METTL15: variants seen among roughly 807,000 people sequenced by gnomAD.
METTL15 encodes the protein 12S rRNA N(4)-cytidine methyltransferase METTL15.
A neutral mutation model predicts 38.3 loss-of-function variants in METTL15; 34 were observed. That is an observed-to-expected ratio of 0.89 (90% CI 0.68 to 1.18). The LOEUF (loss-of-function observed/expected upper bound fraction) is 1.18. METTL15 is among the 50% of genes most tolerant of loss of function. METTL15 has a pLI of 0.00. For missense variants in METTL15, 438 were observed against 498.4 expected (o/e 0.88, Z 1.15); for synonymous variants, 162 against 170.9 (o/e 0.95, Z 0.41).
At chr11:28,309,651 A>G (rs548429070) in intron 6 of METTL15, among the ~76,000 whole-genome samples, 3 of 152,142 alleles carry the variant, frequency 2.0e-5, no homozygotes, top group Non-Finnish European at 4.4e-5. Context: ...ACTCAAGACA[A>G]ATAACTTTTT....
intron 4 of METTL15, among the ~76,000 whole-genome samples, chr11:28,228,112 C>G (rs924052417): frequency 2.6e-5 from 4 of 151,878 alleles, no homozygotes; most frequent in African/African-American, 9.7e-5. Context: ...TTACCGTGTT[C>G]TCAAGTCCAG....
intron 4 of METTL15, among the ~76,000 whole-genome samples, chr11:28,219,206 G>T (rs1289906967): frequency 6.6e-6 from 1 of 152,012 alleles, no homozygotes; most frequent in African/African-American, 2.4e-5. Flanking sequence ...TTTTTGGTTG[G>T]TAAGCTATTA....
intron 6 of METTL15, among the ~76,000 whole-genome samples, chr11:28,451,482 G>C (rs552582372): frequency 3.2e-4 from 48 of 152,064 alleles, no homozygotes; most frequent in Admixed American, 3.1e-3. Flanking sequence ...CTACTCAGGA[G>C]GCTGAGGCAG....
At chr11:28,410,353 C>T (rs1850713937) in intron 5 of METTL15, among the ~76,000 whole-genome samples, 1 of 152,050 alleles carries the variant, frequency 6.6e-6, no homozygotes, top group Non-Finnish European at 1.5e-5. Flanking sequence ...TTCTAATGAA[C>T]ATTGATGCAA....
At chr11:28,279,730 C>T (rs1359971845) in intron 4 of METTL15, among the ~76,000 whole-genome samples, 1 of 152,060 alleles carries the variant, frequency 6.6e-6, no homozygotes, top group Non-Finnish European at 1.5e-5. Context: ...GAAACCCCGT[C>T]TCTACCAAAG....
chr11:28,373,209 A>G (rs1157388329), intron 5 of METTL15, among the ~76,000 whole-genome samples: 1 of 152,066 alleles, frequency 6.6e-6, no homozygotes, highest in Non-Finnish European at 1.5e-5. Flanking sequence ...GACTTCCAAA[A>G]TGGTTGAACT....
At chr11:28,218,778 A>G (rs1853033779) in intron 4 of METTL15, among the ~76,000 whole-genome samples, 1 of 152,104 alleles carries the variant, frequency 6.6e-6, no homozygotes, top group Non-Finnish European at 1.5e-5. Flanking sequence ...AGGGCTGTTG[A>G]ATTTTTTCAA....
intron 5 of METTL15, among the ~76,000 whole-genome samples, chr11:28,418,552 C>T (rs147401867): frequency 4.8e-4 from 73 of 152,278 alleles, no homozygotes; most frequent in African/African-American, 1.8e-3. Context: ...TGCCGATCGT[C>T]CTCTCTGCAG....
chr11:28,250,105 G>T (rs1359222232), intron 4 of METTL15, among the ~76,000 whole-genome samples: 1 of 151,854 alleles, frequency 6.6e-6, no homozygotes, highest in Non-Finnish European at 1.5e-5. Context: ...GTACTGCATT[G>T]TCTTTATTCA....
intron 6 of METTL15, among the ~76,000 whole-genome samples, chr11:28,509,871 C>T (rs1851660380): frequency 6.6e-6 from 1 of 152,122 alleles, no homozygotes; most frequent in African/African-American, 2.4e-5. Context: ...CTGCTTTGTA[C>T]CTCCTGCAAC....
chr11:28,261,455 T>A (rs1855198992), intron 4 of METTL15: 1 of 156,666 alleles, frequency 6.4e-6, no homozygotes, highest in Admixed American at 6.5e-5. Flanking sequence ...GTCAGCCAGA[T>A]CAGCTGAATC....
At chr11:28,529,534 C>G (rs981396370), downstream of METTL15, among the ~76,000 whole-genome samples, 2 of 142,876 alleles carry the variant, frequency 1.4e-5, no homozygotes, top group African/African-American at 5.3e-5. Flanking sequence ...CCTGATCTCT[C>G]CCTTTTCCCC....
intron 4 of METTL15, among the ~76,000 whole-genome samples, chr11:28,221,192 G>T (rs960383836): frequency 2.9e-4 from 44 of 152,164 alleles, no homozygotes; most frequent in African/African-American, 9.9e-4. Context: ...TCACTTTCAG[G>T]TACACCAATC....
chr11:28,260,276 T>C (rs1186926440), intron 4 of METTL15, among the ~76,000 whole-genome samples: 1 of 152,208 alleles, frequency 6.6e-6, no homozygotes, highest in Non-Finnish European at 1.5e-5. Flanking sequence ...CACTTTCTGG[T>C]CATTCAGGCT....
chr11:28,168,843 G>A (rs534492101), intron 3 of METTL15, among the ~76,000 whole-genome samples: 2 of 152,090 alleles, frequency 1.3e-5, no homozygotes, highest in Admixed American at 6.6e-5. Context: ...TGAAACAGCC[G>A]GTGGGAAAAT....
intron 6 of METTL15, among the ~76,000 whole-genome samples, chr11:28,309,626 C>G (rs552827946): frequency 6.6e-6 from 1 of 152,220 alleles, no homozygotes; most frequent in Non-Finnish European, 1.5e-5. Context: ...TCTCTTTTGC[C>G]AATAATTGAC....
intron 5 of METTL15, among the ~76,000 whole-genome samples, chr11:28,385,927 T>G (rs970479173): frequency 1.6e-4 from 25 of 152,196 alleles, no homozygotes; most frequent in African/African-American, 5.5e-4. Flanking sequence ...GCATAACAAA[T>G]AGCTGTAATT....
At chr11:28,520,115 G>A (rs1047419792) in intron 6 of METTL15, among the ~76,000 whole-genome samples, 1 of 152,120 alleles carries the variant, frequency 6.6e-6, no homozygotes, top group Non-Finnish European at 1.5e-5. Context: ...TGAGGCAGGT[G>A]GATTGCTTGA....
intron 5 of METTL15, among the ~76,000 whole-genome samples, chr11:28,397,105 G>A (rs571083457): frequency 6.6e-6 from 1 of 152,214 alleles, no homozygotes; most frequent in African/African-American, 2.4e-5. Flanking sequence ...ATGGATTAAA[G>A]ACTTAAATGT....
Sources: gnomAD v4.1 joint callset for allele counts (sites outside exome capture counted in the v4.1 genomes callset) on GRCh38, gnomAD v4.1.1 for gene constraint, MANE v1.5 for transcripts, NCBI Gene and HGNC (gene_info 2026-07-23, HGNC 2026-07-21) for gene names.